The following RIPOR2 variants were observed in gnomAD, a reference collection of about 807,000 sequenced individuals.
RIPOR2 encodes the protein RHO family interacting cell polarization regulator 2, also known as rho family-interacting cell polarization regulator 2.
In RIPOR2, 39 loss-of-function variants were observed where a neutral mutation model predicts 114.5. That is an observed-to-expected ratio of 0.34 (90% CI 0.26 to 0.44). The LOEUF is 0.44. Among genes scored for constraint, RIPOR2 ranks in the 20% least tolerant of loss-of-function variants. The pLI, the probability that RIPOR2 is intolerant of heterozygous loss-of-function variation, is 1.00. For missense variants in RIPOR2, 1,007 were observed against 1,255.1 expected (o/e 0.80, Z 2.99); for synonymous variants, 445 against 484.4 (o/e 0.92, Z 1.07).
intron 7 of RIPOR2, among the ~76,000 whole-genome samples, chr6:24,863,776 A>T (rs1462083367): frequency 6.6e-6 from 1 of 152,196 alleles, no homozygotes; most frequent in African/African-American, 2.4e-5. Flanking sequence ...TTTATTGCAG[A>T]TAACTTTTTA....
intron 1 of RIPOR2, among the ~76,000 whole-genome samples, chr6:24,954,067 A>G (rs1473138977): frequency 6.6e-6 from 1 of 152,198 alleles, no homozygotes; most frequent in East Asian, 1.9e-4. Context: ...GATGAAATAC[A>G]TTTCTGTTGT....
chr6:24,874,744 C>T (rs374179985), intron 2 of RIPOR2, among the ~76,000 whole-genome samples: 45 of 152,258 alleles, frequency 3.0e-4, no homozygotes, highest in African/African-American at 7.5e-4. Flanking sequence ...TGAAATTCAA[C>T]GAGGATGTGA....
intron 9 of RIPOR2, 103 bp from the exon 10 acceptor site, chr6:24,850,825 C>T (rs548924738): frequency 3.7e-5 from 48 of 1,307,732 alleles, no homozygotes; most frequent in East Asian, 6.9e-5. Context: ...TGCTGCCCTC[C>T]GCTTCTCCCT....
chr6:24,847,118 A>G (rs913800761), intron 12 of RIPOR2, among the ~76,000 whole-genome samples: 3 of 151,440 alleles, frequency 2.0e-5, no homozygotes, highest in African/African-American at 7.3e-5. Flanking sequence ...TTCCTGGCTA[A>G]TTTTTGTATT....
At chr6:25,018,436 A>T (rs953202300) in intron 1 of RIPOR2, among the ~76,000 whole-genome samples, 11 of 152,164 alleles carry the variant, frequency 7.2e-5, no homozygotes, top group African/African-American at 2.7e-4. Context: ...AATAAATAAG[A>T]TTTTATTATC....
At chr6:24,920,383 A>G (rs1770389737) in intron 1 of RIPOR2, among the ~76,000 whole-genome samples, 1 of 152,218 alleles carries the variant, frequency 6.6e-6, no homozygotes, top group Admixed American at 6.5e-5. Flanking sequence ...TCCCACAATT[A>G]TCATGTTTAC....
At chr6:24,818,130 G>A (rs577374156) in intron 20 of RIPOR2, among the ~76,000 whole-genome samples, 1 of 151,960 alleles carries the variant, frequency 6.6e-6, no homozygotes, top group South Asian at 2.1e-4. Flanking sequence ...TGCCCAGCTA[G>A]TTTTTGTATT....
At chr6:25,035,352 TAAAAG>T (rs1225708608) in intron 1 of RIPOR2, among the ~76,000 whole-genome samples, 1 of 152,196 alleles carries the variant, frequency 6.6e-6, no homozygotes, top group Non-Finnish European at 1.5e-5. Flanking sequence ...GCTTGTAGCT[TAAAAG>T]AAACAGAAAC....
chr6:24,863,242 T>A (rs1482759196), intron 7 of RIPOR2, among the ~76,000 whole-genome samples: 2 of 152,134 alleles, frequency 1.3e-5, no homozygotes, highest in Non-Finnish European at 2.9e-5. Flanking sequence ...TATAAGCCGC[T>A]GCACCCGGCC....
intron 1 of RIPOR2, among the ~76,000 whole-genome samples, chr6:24,980,724 G>A (rs1010217456): frequency 6.6e-6 from 1 of 152,178 alleles, no homozygotes; most frequent in Admixed American, 6.5e-5. Context: ...TGGAGTCACA[G>A]GGGGCTTTTG....
chr6:25,023,905 T>G (rs1776464539), intron 1 of RIPOR2: 8 of 721,666 alleles, frequency 1.1e-5, no homozygotes, highest in Middle Eastern at 3.2e-4. Flanking sequence ...CTTGGGGTTC[T>G]CCAGGATTCC....
rs1320371769 is a variant in RIPOR2, at chr6:24,806,452, T to G, written c.3065A>C (p.Tyr1022Ser). The change falls in exon 22 of 22, where the codon TAT becomes TCT. Residue 1022 changes from tyrosine to serine, a missense_variant. Transcript: ENST00000643898. ...TCGAGGAAATTTGTCCAATTGTTCATATGCCAGCCGCCCATCTTCTCCTAA... is the reference window on the plus strand; with the variant it reads ...TCGAGGAAATTTGTCCAATTGTTCAGATGCCAGCCGCCCATCTTCTCCTAA... The part of the protein sequence containing the change: ...LSLGEDGRLA[Y>S]EQLDKFPRDC... The G allele has an allele frequency of 6.4e-7, 1 of 1,551,778 alleles. No individual in the cohort carries two copies. Among genetic ancestry groups the G allele is most frequent in the East Asian group, 2.4e-5 (1 of 40,916 alleles).
intron 1 of RIPOR2, among the ~76,000 whole-genome samples, chr6:24,989,811 C>T (rs1774711504): frequency 6.6e-6 from 1 of 151,744 alleles, no homozygotes; most frequent in Non-Finnish European, 1.5e-5. Flanking sequence ...GCAGGTGGAT[C>T]ATGAGGTCAG....
chr6:24,835,840 G>GC lies in RIPOR2; in HGVS notation c.2070dup (p.His691AlafsTer4). On this transcript the variant is annotated frameshift_variant, in exon 15 of 22. Transcript: ENST00000643898. LOFTEE classifies it high-confidence loss of function. Reference sequence around the variant, plus strand: ...TCTTCAGTGAGCGCTTCACTGAGATGCCCCCTGGCTTCTGGGTGAACCGAC... The same window carrying GC: ...TCTTCAGTGAGCGCTTCACTGAGATGCCCCCCTGGCTTCTGGGTGAACCGAC... The GC allele has an allele frequency of 6.4e-7, 1 of 1,551,576 alleles. No individual in the cohort carries two copies. The highest frequency in any genetic ancestry group is 8.7e-7 in the Non-Finnish European group (1 of 1,146,954).
At chr6:24,847,144 G>C (rs550259194) in intron 12 of RIPOR2, among the ~76,000 whole-genome samples, 10 of 152,062 alleles carry the variant, frequency 6.6e-5, no homozygotes, top group Non-Finnish European at 1.5e-4. Context: ...GTAGAGGCAG[G>C]GTTTGACCAT....
intron 1 of RIPOR2, among the ~76,000 whole-genome samples, chr6:24,892,265 T>C (rs894801801): frequency 1.7e-4 from 26 of 152,250 alleles, no homozygotes; most frequent in African/African-American, 6.0e-4. Flanking sequence ...TTGTACCCGA[T>C]AGATTTTTTT....
At chr6:25,024,382 A>G in intron 1 of RIPOR2, 2 of 1,283,446 alleles carry the variant, frequency 1.6e-6, no homozygotes, top group Non-Finnish European at 2.3e-6. Flanking sequence ...TTGGCCAGGT[A>G]GGCAATGACA....
At chr6:24,852,473 TAA>T (rs878977895) in intron 9 of RIPOR2, 100 bp downstream of exon 9, 168 of 750,508 alleles carry the variant, frequency 2.2e-4, no homozygotes, top group Admixed American at 2.7e-4. Flanking sequence ...AATTAAAAAT[TAA>T]AAAAAAAAAA....
chr6:24,911,421 G>C (rs1769585165), intron 1 of RIPOR2, among the ~76,000 whole-genome samples: 2 of 152,016 alleles, frequency 1.3e-5, no homozygotes, highest in Admixed American at 1.3e-4. Flanking sequence ...CTAACCTTTT[G>C]GGATCTTTCA....
Sources: gnomAD v4.1 joint callset for allele counts (sites outside exome capture counted in the v4.1 genomes callset) on GRCh38, gnomAD v4.1.1 for gene constraint, MANE v1.5 for transcripts, NCBI Gene and HGNC (gene_info 2026-07-23, HGNC 2026-07-21) for gene names.